Variants in PARD3B observed in about 807,000 individuals in gnomAD.
PARD3B encodes the protein par-3 family cell polarity regulator beta, also known as partitioning defective 3 homolog B.
In PARD3B, 103 loss-of-function variants were observed where a neutral mutation model predicts 130.2. That is an observed-to-expected ratio of 0.79 (90% CI 0.67 to 0.93). The LOEUF is 0.93. Ranked by LOEUF, PARD3B falls within the 40% of genes least tolerant of loss-of-function variation. The probability of loss-of-function intolerance (pLI) is 0.00; values close to 1 mark genes in which losing one functional copy is unlikely to be tolerated. For missense variants in PARD3B, 1,609 were observed against 1,499.2 expected (o/e 1.07, Z -1.21); for synonymous variants, 583 against 553.2 (o/e 1.05, Z -0.76).
Position 205,160,834 on chromosome 2 carries a change from C to T in PARD3B, c.1620+1927C>T, listed in dbSNP as rs2034464314. Among the ~76,000 whole-genome samples the T allele has an allele frequency of 6.6e-6, 1 of 152,126 alleles. No individual in the cohort carries two copies. The highest frequency in any genetic ancestry group is 1.9e-4 in the East Asian group (1 of 5,170). ...GACCCTTTAGTGCCTTTCCTGTGGT[C>T]AGATAGCCAGGAATTACTTTAAGAT... On this transcript the variant is annotated intron_variant, in intron 11 of 22. Transcript: ENST00000406610. This position sits in a 1 kb window ranked among gnomAD's most constrained non-coding sequence, Gnocchi z 4.0.
chr2:205,599,988 A>T (rs933069033), intron 22 of PARD3B, among the ~76,000 whole-genome samples: 1 of 152,222 alleles, frequency 6.6e-6, no homozygotes, highest in Non-Finnish European at 1.5e-5. Flanking sequence ...TTGGTAAGCA[A>T]CTGGCTATAG....
chr2:204,625,003 T>C (rs1180311793), intron 1 of PARD3B, among the ~76,000 whole-genome samples: 2 of 152,166 alleles, frequency 1.3e-5, no homozygotes, highest in Non-Finnish European at 2.9e-5. Flanking sequence ...GAACCTTTTT[T>C]TGTGTACTGA....
chr2:205,111,297 T>G (rs1703628920), intron 5 of PARD3B, among the ~76,000 whole-genome samples: 1 of 152,028 alleles, frequency 6.6e-6, no homozygotes, highest in Admixed American at 6.6e-5. Flanking sequence ...TGCTTCTAGC[T>G]ACAAAATTGC....
At chr2:205,083,237 T>A (rs1701538046) in intron 4 of PARD3B, among the ~76,000 whole-genome samples, 1 of 151,730 alleles carries the variant, frequency 6.6e-6, no homozygotes. Context: ...TCAATTTTTT[T>A]AAAATAGGAA....
At chr2:204,913,505 C>T (rs2047325446) in intron 2 of PARD3B, among the ~76,000 whole-genome samples, 1 of 152,178 alleles carries the variant, frequency 6.6e-6, no homozygotes, top group African/African-American at 2.4e-5. Context: ...CAGAGGGACA[C>T]TGCACAATAT....
chr2:204,736,164 A>ATT (rs58674693), intron 2 of PARD3B, among the ~76,000 whole-genome samples: 1 of 147,384 alleles, frequency 6.8e-6, no homozygotes, highest in Non-Finnish European at 1.5e-5. Flanking sequence ...TATGAGTACT[A>ATT]TTTTTTTTTT....
rs2036685086 is a variant in PARD3B, at chr2:204,678,851, T to C, written c.121-7330T>C. ...TGGGTTCTTTGCCAGGGAGCTGCCC[T>C]CTTCTATCCAGTATTTCCCTGCCTC... On this transcript the variant is annotated intron_variant, in intron 1 of 22. Coordinates refer to ENST00000406610, the MANE Select transcript of PARD3B (RefSeq NM_001302769.2). This position sits in a 1 kb window ranked among gnomAD's most constrained non-coding sequence, Gnocchi z 4.2. Among the ~76,000 whole-genome samples, 1 of 152,152 alleles carries C rather than the reference T, an allele frequency of 6.6e-6. No homozygotes were observed. The highest frequency in any genetic ancestry group is 1.5e-5 in the Non-Finnish European group (1 of 68,036).
chr2:204,988,573 C>G (rs1018071870), intron 3 of PARD3B, among the ~76,000 whole-genome samples: 7 of 152,110 alleles, frequency 4.6e-5, no homozygotes, highest in African/African-American at 1.7e-4. Flanking sequence ...ATATTACATA[C>G]CTGTATCAAA....
rs2051529767 is a variant in PARD3B, at chr2:205,530,233, G to GA, written c.3181-23087dup. 6.6e-6 allele frequency among the ~76,000 whole-genome samples: 1 copy of GA among 152,130 alleles called. No homozygotes were observed. Among genetic ancestry groups the GA allele is most frequent in the Admixed American group, 6.5e-5 (1 of 15,272 alleles). ...ATTTATGTTTCTAGTGAAGTTTGGA[G>GA]AAAACGTATTATCCTAATATGCTTG... is the stretch of plus-strand genomic sequence containing the variant. On this transcript the variant is annotated intron_variant, in intron 21 of 22. Coordinates refer to ENST00000406610, the MANE Select transcript of PARD3B (RefSeq NM_001302769.2). This position sits in a 1 kb window ranked among gnomAD's most constrained non-coding sequence, Gnocchi z 4.7.
intron 2 of PARD3B, among the ~76,000 whole-genome samples, chr2:204,824,100 C>T (rs1021480984): frequency 1.3e-5 from 2 of 152,144 alleles, no homozygotes; most frequent in African/African-American, 4.8e-5. Flanking sequence ...TGAGCAAGAA[C>T]AGTGCAAGGT....
chr2:204,949,687 G>T (rs965590500), intron 2 of PARD3B, among the ~76,000 whole-genome samples: 80 of 152,196 alleles, frequency 5.3e-4, no homozygotes, highest in African/African-American at 1.8e-3. Flanking sequence ...CCTACTAATA[G>T]CATTTTTTAA....
At chr2:204,762,116 ATTTTTTTTT>A (rs968166780) in intron 2 of PARD3B, among the ~76,000 whole-genome samples, 4 of 95,378 alleles carry the variant, frequency 4.2e-5, no homozygotes, top group East Asian at 3.2e-4. Context: ...TTCTTTTTCT[ATTTTTTTTT>A]TTTTTTTTTT....
At chr2:205,239,503 T>G (rs1279380303) in intron 15 of PARD3B, among the ~76,000 whole-genome samples, 1 of 152,212 alleles carries the variant, frequency 6.6e-6, no homozygotes, top group Admixed American at 6.5e-5. Flanking sequence ...CTGAATGGAT[T>G]AAAACAAATT....
In PARD3B at chr2:205,341,992, A is replaced by T. The variant is rs2043558983; in HGVS notation, c.2630+40291A>T. On this transcript the variant is annotated intron_variant, in intron 18 of 22. Coordinates refer to ENST00000406610, the MANE Select transcript of PARD3B (RefSeq NM_001302769.2). This position sits in a 1 kb window ranked among gnomAD's most constrained non-coding sequence, Gnocchi z 4.3. ...CCCTAGTTAATCAAAACAGCATTGC[A>T]TATGACTGTATTTCTCCAGTTTTAA... is the stretch of plus-strand genomic sequence containing the variant. 6.6e-6 allele frequency among the ~76,000 whole-genome samples: 1 copy of T among 152,270 alleles called. No homozygotes were observed. Among genetic ancestry groups the T allele is most frequent in the South Asian group, 2.1e-4 (1 of 4,822 alleles).
intron 2 of PARD3B, among the ~76,000 whole-genome samples, chr2:204,826,006 G>A (rs1223110488): frequency 2.0e-5 from 3 of 152,108 alleles, no homozygotes; most frequent in Admixed American, 1.3e-4. Context: ...CCCACTGCAC[G>A]GGAGTCTCCA....
intron 2 of PARD3B, among the ~76,000 whole-genome samples, chr2:204,701,307 A>T (rs1374598546): frequency 9.9e-5 from 15 of 152,162 alleles, no homozygotes; most frequent in African/African-American, 2.9e-4. Context: ...ATCCTGGGAT[A>T]TTTTAGGAAA....
At chr2:205,528,756 C>T (rs1328868481) in intron 21 of PARD3B, among the ~76,000 whole-genome samples, 3 of 152,130 alleles carry the variant, frequency 2.0e-5, no homozygotes, top group Admixed American at 6.6e-5. Context: ...TCCCAAAGTG[C>T]TGTGATTACA....
intron 18 of PARD3B, among the ~76,000 whole-genome samples, chr2:205,394,027 G>T (rs2105987391): frequency 6.6e-6 from 1 of 152,216 alleles, no homozygotes; most frequent in Non-Finnish European, 1.5e-5. Flanking sequence ...TAGTTTAATT[G>T]AGGGGTTAGA....
intron 20 of PARD3B, among the ~76,000 whole-genome samples, chr2:205,443,906 G>A (rs1360494585): frequency 6.6e-6 from 1 of 152,188 alleles, no homozygotes; most frequent in Non-Finnish European, 1.5e-5. Flanking sequence ...GGAGTCCGGG[G>A]TAAGGGGGAA....
Sources: gnomAD v4.1 joint callset for allele counts (sites outside exome capture counted in the v4.1 genomes callset) on GRCh38, gnomAD v4.1.1 for gene constraint, Gnocchi (gnomAD v3.1) non-coding constraint, MANE v1.5 for transcripts, NCBI Gene and HGNC (gene_info 2026-07-23, HGNC 2026-07-21) for gene names.